Variants in GTF2I observed in about 807,000 individuals in gnomAD.
The protein encoded by GTF2I is general transcription factor II-I.
A neutral mutation model predicts 67.6 loss-of-function variants in GTF2I; 12 were observed. That is an observed-to-expected ratio of 0.18 (90% CI 0.11 to 0.29). GTF2I has a LOEUF of 0.29. Ranked by LOEUF, GTF2I falls within the 10% of genes least tolerant of loss-of-function variation. The probability of loss-of-function intolerance (pLI) is 1.00; values close to 1 mark genes in which losing one functional copy is unlikely to be tolerated. For synonymous variants in GTF2I, 149 were observed against 197.0 expected (o/e 0.76, Z 2.04); for missense variants, 271 against 580.1 (o/e 0.47, Z 5.47).
At chr7:74,709,724 G>A (rs1562966845) in intron 8 of GTF2I, among the ~76,000 whole-genome samples, 1 of 151,574 alleles carries the variant, frequency 6.6e-6, no homozygotes, top group Non-Finnish European at 1.5e-5. Flanking sequence ...CCAGGCTGGA[G>A]TGTAGTGGTA....
intron 1 of GTF2I, among the ~76,000 whole-genome samples, chr7:74,659,928 C>G (rs1804319699): frequency 6.6e-6 from 1 of 152,154 alleles, no homozygotes; most frequent in African/African-American, 2.4e-5. Context: ...CTTCAGGGAA[C>G]AAAAGGGGAA....
intron 12 of GTF2I, among the ~76,000 whole-genome samples, chr7:74,721,995 G>T (rs1793065310): frequency 6.6e-6 from 1 of 152,136 alleles, no homozygotes. Flanking sequence ...ATTCCTGCTT[G>T]CTTGGAGACG....
At chr7:74,686,732 T>C (rs6959774) in intron 1 of GTF2I, among the ~76,000 whole-genome samples, 1,944 of 152,258 alleles carry the variant, frequency 0.013, 42 homozygotes, top group African/African-American at 0.044. Context: ...AGAAAAAGAA[T>C]GGGACCTAAG....
intron 1 of GTF2I, among the ~76,000 whole-genome samples, chr7:74,671,562 C>T (rs1805458020): frequency 1.3e-5 from 2 of 151,776 alleles, no homozygotes; most frequent in South Asian, 2.1e-4. Flanking sequence ...AAATCTTAAC[C>T]CTTCAAATTT....
intron 12 of GTF2I, among the ~76,000 whole-genome samples, chr7:74,728,291 TTC>T (rs782561296): frequency 6.6e-6 from 1 of 152,002 alleles, no homozygotes; most frequent in Non-Finnish European, 1.5e-5. Flanking sequence ...AACAGAACAA[TTC>T]TCTGTCTCAA....
rs142200093 is a variant in GTF2I, at chr7:74,712,487, AGTGTGTGTGTGTGTGTGTGTGTGTGT to A, written c.763+1403_763+1428del. Among the ~76,000 whole-genome samples, 30 of 131,844 alleles carry A rather than the reference AGTGTGTGTGTGTGTGTGTGTGTGTGT, an allele frequency of 2.3e-4. No individual in the cohort carries two copies. In the South Asian group the frequency reaches 6.7e-3, roughly 29 times the overall value. The allele number at this position is 131,844 out of a possible 152,430, so 86.5% of individuals were successfully genotyped here. ...TTTACTACGTAAATATTCTCCCGGG[AGTGTGTGTGTGTGTGTGTGTGTGTGT>A]GTGTGTGTGTGTGTGTGTGTGTGTC... On this transcript the variant is annotated intron_variant, in intron 9 of 34. Coordinates refer to ENST00000573035, the MANE Select transcript of GTF2I (RefSeq NM_032999.4).
At chr7:74,669,409 TG>T (rs1469495347) in intron 1 of GTF2I, among the ~76,000 whole-genome samples, 1 of 151,796 alleles carries the variant, frequency 6.6e-6, no homozygotes, top group Non-Finnish European at 1.5e-5. Flanking sequence ...TTGTGTTTTT[TG>T]GTAGAGAACG....
intron 1 of GTF2I, among the ~76,000 whole-genome samples, chr7:74,660,621 C>CTTTTTTTTTTTT (rs35605839): frequency 1.6e-5 from 2 of 124,548 alleles, no homozygotes; most frequent in Non-Finnish European, 3.2e-5. Flanking sequence ...CTTTTCTTTT[C>CTTTTTTTTTTTT]TTTTTTTTTT....
intron 3 of GTF2I, among the ~76,000 whole-genome samples, chr7:74,693,613 G>A (rs1330617393): frequency 6.6e-6 from 1 of 152,010 alleles, no homozygotes; most frequent in East Asian, 1.9e-4. Flanking sequence ...TTGGGAGGCC[G>A]AGATGTGTGG....
At chr7:74,694,413 C>G (rs1426739286) in intron 3 of GTF2I, among the ~76,000 whole-genome samples, 4 of 152,166 alleles carry the variant, frequency 2.6e-5, no homozygotes, top group Admixed American at 2.0e-4. Context: ...CTGGTGAAAC[C>G]CCGTCTCTTC....
intron 12 of GTF2I, among the ~76,000 whole-genome samples, chr7:74,720,109 T>TA (rs1792751136): frequency 6.6e-6 from 1 of 152,208 alleles, no homozygotes; most frequent in African/African-American, 2.4e-5. Context: ...TGTGTCTACT[T>TA]AGAGAAATAA....
At chr7:74,688,854 A>AT (rs1354360638) in intron 1 of GTF2I, 9 of 363,200 alleles carry the variant, frequency 2.5e-5, no homozygotes, top group African/African-American at 1.9e-4. Context: ...CTTGGGAGAA[A>AT]TTTCACTGAT....
intron 1 of GTF2I, among the ~76,000 whole-genome samples, chr7:74,671,079 C>CTTTTTTT (rs869137920): frequency 9.7e-5 from 6 of 61,804 alleles, no homozygotes; most frequent in African/African-American, 3.6e-4. Flanking sequence ...TGGGCAGATC[C>CTTTTTTT]TTTTTTTTTT....
chr7:74,658,243 TACCCCC>T (rs1324507025), intron 1 of GTF2I, among the ~76,000 whole-genome samples, 175 bp downstream of exon 1: 3 of 148,060 alleles, frequency 2.0e-5, no homozygotes, highest in Non-Finnish European at 1.5e-5. Flanking sequence ...CGCCTCCCCC[TACCCCC>T]ACCCCCACCG....
At chr7:74,659,334 C>T (rs1804262247) in intron 1 of GTF2I, among the ~76,000 whole-genome samples, 1 of 152,120 alleles carries the variant, frequency 6.6e-6, no homozygotes, top group South Asian at 2.1e-4. Flanking sequence ...CTCCAGCGAT[C>T]CTCCTGCCTC....
chr7:74,726,084 A>T (rs2131489253), intron 12 of GTF2I, among the ~76,000 whole-genome samples: 2 of 152,170 alleles, frequency 1.3e-5, no homozygotes, highest in Middle Eastern at 3.4e-3. Flanking sequence ...TTCCTTTCTC[A>T]TGTCATTCTA....
intron 3 of GTF2I, among the ~76,000 whole-genome samples, chr7:74,692,075 C>CT (rs782120163): frequency 1.4e-3 from 183 of 134,178 alleles, no homozygotes; most frequent in East Asian, 8.9e-3. Context: ...CCACTCTCGG[C>CT]TTTTTTTTTT....
chr7:74,672,901 C>G (rs1470502124), intron 1 of GTF2I, among the ~76,000 whole-genome samples: 1 of 152,170 alleles, frequency 6.6e-6, no homozygotes, highest in Non-Finnish European at 1.5e-5. Context: ...CATTCTGCTG[C>G]CCAGGCTGGA....
chr7:74,700,645 GCTTTGCTT>G lies in GTF2I; in HGVS notation c.586+13_586+20del. ...CAAAGAAGCATGTAGGTAAGTAAGT[GCTTTGCTT>G]CCTTGATAGCTGGCTGGCCTCCGTT... On this transcript the variant is annotated intron_variant, in intron 6 of 34. Transcript: ENST00000573035. The G allele has an allele frequency of 1.2e-6, 2 of 1,613,128 alleles. No homozygotes were observed. Among genetic ancestry groups the G allele is most frequent in the Non-Finnish European group, 1.7e-6 (2 of 1,179,090 alleles).
Sources: gnomAD v4.1 joint callset for allele counts (sites outside exome capture counted in the v4.1 genomes callset) on GRCh38, gnomAD v4.1.1 for gene constraint, MANE v1.5 for transcripts, NCBI Gene and HGNC (gene_info 2026-07-23, HGNC 2026-07-21) for gene names.